VIPR2: variants seen among roughly 807,000 people sequenced by gnomAD.
The protein encoded by VIPR2 is vasoactive intestinal peptide receptor 2.
VIPR2 carries 48 observed loss-of-function variants against 58.0 expected under a neutral mutation model. That is an observed-to-expected ratio of 0.83 (90% CI 0.66 to 1.05). The LOEUF (loss-of-function observed/expected upper bound fraction) is 1.05. Among genes scored for constraint, VIPR2 ranks in the 50% least tolerant of loss-of-function variants. VIPR2 has a pLI of 0.00. For missense variants in VIPR2, 534 were observed against 558.0 expected, an observed-to-expected ratio of 0.96 and a Z score of 0.43; for synonymous variants, 243 against 235.2, an observed-to-expected ratio of 1.03 and a Z score of -0.30.
intron 2 of VIPR2, among the ~76,000 whole-genome samples, chr7:159,136,424 A>C (rs922364881): frequency 6.6e-6 from 1 of 152,214 alleles, no homozygotes; most frequent in Non-Finnish European, 1.5e-5. Context: ...GAAGGGGATA[A>C]ATATTCAAAC....
chr7:159,079,079 C>T (rs573865342), intron 4 of VIPR2, among the ~76,000 whole-genome samples: 19 of 152,128 alleles, frequency 1.2e-4, no homozygotes, highest in South Asian at 1.0e-3. Context: ...GCTGAATGGC[C>T]GCACTCTCAG....
chr7:159,040,248 C>A (rs1854239828), intron 6 of VIPR2, among the ~76,000 whole-genome samples: 1 of 152,176 alleles, frequency 6.6e-6, no homozygotes, highest in African/African-American at 2.4e-5. Context: ...CAGTTGCCAC[C>A]CACAGGGTTG....
At chr7:159,062,793 C>G (rs1345410041) in intron 4 of VIPR2, among the ~76,000 whole-genome samples, 1 of 152,198 alleles carries the variant, frequency 6.6e-6, no homozygotes, top group African/African-American at 2.4e-5. Context: ...CCTTATCTGG[C>G]CCCACCCTCA....
chr7:159,102,601 A>G (rs1322671311), intron 4 of VIPR2, among the ~76,000 whole-genome samples: 1 of 152,204 alleles, frequency 6.6e-6, no homozygotes, highest in Non-Finnish European at 1.5e-5. Context: ...TGAATCTTAG[A>G]GAAGTGAGCA....
intron 4 of VIPR2, among the ~76,000 whole-genome samples, chr7:159,089,896 C>T (rs376357928): frequency 7.9e-5 from 12 of 152,280 alleles, no homozygotes; most frequent in East Asian, 7.7e-4. Flanking sequence ...AGAAGTTACA[C>T]GTGGAGAGAA....
At chr7:159,121,292 G>T (rs1224214656) in intron 2 of VIPR2, among the ~76,000 whole-genome samples, 1 of 152,052 alleles carries the variant, frequency 6.6e-6, no homozygotes, top group Non-Finnish European at 1.5e-5. Flanking sequence ...GGCTCCCAGG[G>T]CTCCATTTAC....
chr7:159,073,675 C>T lies in VIPR2; in HGVS notation c.358-15097G>A, dbSNP rs1011730603. Among the ~76,000 whole-genome samples the T allele has an allele frequency of 2.6e-5, 4 of 152,144 alleles. 1 individual carries two copies. The highest frequency in any genetic ancestry group is 9.7e-5 in the African/African-American group (4 of 41,428). The stretch of plus-strand genomic sequence containing the variant: ...CTGCCTGCCTTGGCCTCCCAAAATG[C>T]TATGATTACAGGCGTGAGCCACCGT... On this transcript the variant is annotated intron_variant, in intron 4 of 12. Coordinates refer to ENST00000262178, the MANE Select transcript of VIPR2 (RefSeq NM_003382.5).
At chr7:159,080,348 C>T (rs1308116466) in intron 4 of VIPR2, among the ~76,000 whole-genome samples, 2 of 152,154 alleles carry the variant, frequency 1.3e-5, no homozygotes, top group Non-Finnish European at 2.9e-5. Context: ...AGCATATAAA[C>T]AGAACCAAAG....
At chr7:159,065,435 G>A (rs1856027238) in intron 4 of VIPR2, among the ~76,000 whole-genome samples, 1 of 152,196 alleles carries the variant, frequency 6.6e-6, no homozygotes, top group African/African-American at 2.4e-5. Flanking sequence ...CAGGGTTCCG[G>A]CTTCCCGTGG....
chr7:159,068,653 T>A (rs1364727193), intron 4 of VIPR2, among the ~76,000 whole-genome samples: 1 of 152,344 alleles, frequency 6.6e-6, no homozygotes, highest in East Asian at 1.9e-4. Flanking sequence ...TGTTGGCTGC[T>A]GTGACGTTTG....
At chr7:159,077,261 G>C (rs1046155083) in intron 4 of VIPR2, among the ~76,000 whole-genome samples, 1 of 150,912 alleles carries the variant, frequency 6.6e-6, no homozygotes, top group African/African-American at 2.5e-5. Flanking sequence ...TCAGATTCTA[G>C]CCCTGTTCAA....
intron 4 of VIPR2, among the ~76,000 whole-genome samples, chr7:159,082,815 CAGAT>C (rs895074263): frequency 1.3e-5 from 2 of 152,150 alleles, no homozygotes; most frequent in Non-Finnish European, 1.5e-5. Context: ...GACAAACAGA[CAGAT>C]AGACCTGCTC....
At chr7:159,111,385 T>G (rs1383653251) in intron 2 of VIPR2, among the ~76,000 whole-genome samples, 1 of 152,172 alleles carries the variant, frequency 6.6e-6, no homozygotes, top group Non-Finnish European at 1.5e-5. Context: ...ATTTCTACCT[T>G]GATAATAGTA....
intron 4 of VIPR2, among the ~76,000 whole-genome samples, chr7:159,102,648 C>A (rs1563329102): frequency 6.6e-6 from 1 of 152,196 alleles, no homozygotes; most frequent in African/African-American, 2.4e-5. Context: ...CTCATTCTCC[C>A]AAGAGGCAGC....
At chr7:159,136,386 C>T (rs1392038806) in intron 2 of VIPR2, among the ~76,000 whole-genome samples, 1 of 152,180 alleles carries the variant, frequency 6.6e-6, no homozygotes, top group Non-Finnish European at 1.5e-5. Flanking sequence ...AATACTACTA[C>T]ATTGAGGATT....
rs114458154 is a variant in VIPR2, at chr7:159,054,600, A to C, written c.455+3881T>G. Among the ~76,000 whole-genome samples the C allele has an allele frequency of 4.3e-3, 659 of 152,334 alleles. 1 individual carries two copies. Among genetic ancestry groups the C allele is most frequent in the African/African-American group, 0.015 (634 of 41,572 alleles). ...AGGGAAATCAGGGAAATGTAAATTA[A>C]AACACCGTTCTATGTTATTACAGAC... On this transcript the variant is annotated intron_variant, in intron 5 of 12. Transcript: ENST00000262178.
chr7:159,107,812 G>A (rs1195722911), intron 3 of VIPR2, among the ~76,000 whole-genome samples: 1 of 152,210 alleles, frequency 6.6e-6, no homozygotes, highest in Non-Finnish European at 1.5e-5. Context: ...CAGGGCCCAG[G>A]GTCCCGCCTG....
chr7:159,050,961 T>G (rs945281173), intron 5 of VIPR2, among the ~76,000 whole-genome samples: 1 of 152,336 alleles, frequency 6.6e-6, no homozygotes, highest in East Asian at 1.9e-4. Context: ...ACATCTTTAA[T>G]GTGGTGAGAG....
chr7:159,124,383 A>G (rs1796581604), intron 2 of VIPR2, among the ~76,000 whole-genome samples: 1 of 152,162 alleles, frequency 6.6e-6, no homozygotes. Context: ...TTATCCCAGC[A>G]CCATTTAATT....
Sources: gnomAD v4.1 joint callset for allele counts (sites outside exome capture counted in the v4.1 genomes callset) on GRCh38, gnomAD v4.1.1 for gene constraint, MANE v1.5 for transcripts, NCBI Gene and HGNC (gene_info 2026-07-23, HGNC 2026-07-21) for gene names.